Variants in TRHDE observed in about 807,000 individuals in gnomAD.
The protein encoded by TRHDE is thyrotropin-releasing hormone-degrading ectoenzyme.
A neutral mutation model predicts 125.7 loss-of-function variants in TRHDE; 72 were observed. The ratio of observed to expected loss-of-function variants is 0.57; its 90% confidence interval spans 0.47 to 0.70. The LOEUF is 0.70. TRHDE is among the 30% of genes least tolerant of loss of function. The pLI, the probability that TRHDE is intolerant of heterozygous loss-of-function variation, is 0.00. For missense variants in TRHDE, 1,110 were observed against 1,327.1 expected, an observed-to-expected ratio of 0.84 and a Z score of 2.54; for synonymous variants, 509 against 509.1, an observed-to-expected ratio of 1.00 and a Z score of 0.00.
At chr12:72,108,968 C>T (rs576321598) in intron 2 of TRHDE, among the ~76,000 whole-genome samples, 79 of 152,180 alleles carry the variant, frequency 5.2e-4, no homozygotes, top group African/African-American at 1.7e-3. Flanking sequence ...GCAAAGAAAG[C>T]CATTCTTGTT....
chr12:72,382,811 CT>C (rs1396060615), intron 3 of TRHDE, among the ~76,000 whole-genome samples: 2 of 152,066 alleles, frequency 1.3e-5, no homozygotes, highest in African/African-American at 4.8e-5. Flanking sequence ...TCTACAATAC[CT>C]TCTTTCTCCC....
chr12:72,194,903 G>A (rs1877409411), intron 2 of TRHDE, among the ~76,000 whole-genome samples: 1 of 152,046 alleles, frequency 6.6e-6, no homozygotes, highest in Non-Finnish European at 1.5e-5. Context: ...GGCATTACTA[G>A]GTGTATTAAA....
At chr12:72,627,891 C>T (rs1873328472) in intron 15 of TRHDE, among the ~76,000 whole-genome samples, 2 of 151,302 alleles carry the variant, frequency 1.3e-5, no homozygotes. Context: ...ATTGCCCAGG[C>T]TTGCTGGTCC....
intron 2 of TRHDE, among the ~76,000 whole-genome samples, chr12:72,294,931 G>C (rs1434463271): frequency 6.6e-6 from 1 of 151,952 alleles, no homozygotes; most frequent in East Asian, 1.9e-4. Flanking sequence ...GACAGCACTG[G>C]AGCTTGCCCC....
intron 10 of TRHDE, among the ~76,000 whole-genome samples, chr12:72,569,056 A>G (rs529739138): frequency 6.6e-6 from 1 of 152,224 alleles, no homozygotes; most frequent in South Asian, 2.1e-4. Flanking sequence ...GTCTCTTTAA[A>G]AGGTGAGAGA....
At position 72,136,446 on chromosome 12, in the gene TRHDE, A is replaced by G. The variant is rs116366884; in HGVS notation, n.279+30694A>G. Among the ~76,000 whole-genome samples the G allele has an allele frequency of 2.1e-3, 320 of 152,358 alleles. 2 individuals carry two copies. The highest frequency in any genetic ancestry group is 7.5e-3 in the African/African-American group (310 of 41,576). On this transcript the variant is annotated intron_variant and non_coding_transcript_variant, in intron 2 of 4. Transcript: ENST00000548156. ...GGCATGCATATCCAAAGTAACGGGG[A>G]ATTTAAATGAATGCTTGTACTTTCC...
intron 2 of TRHDE, among the ~76,000 whole-genome samples, chr12:72,174,745 G>A (rs1348459117): frequency 6.6e-6 from 1 of 152,118 alleles, no homozygotes; most frequent in Non-Finnish European, 1.5e-5. Flanking sequence ...GTCCTTCTTA[G>A]TGCTTCATAT....
At chr12:72,451,026 T>A (rs956626265) in intron 3 of TRHDE, among the ~76,000 whole-genome samples, 1 of 152,174 alleles carries the variant, frequency 6.6e-6, no homozygotes, top group South Asian at 2.1e-4. Flanking sequence ...TTTGACTTTC[T>A]TATATTAACC....
At chr12:72,296,094 C>A (rs1019880997) in intron 2 of TRHDE, among the ~76,000 whole-genome samples, 2 of 152,098 alleles carry the variant, frequency 1.3e-5, no homozygotes, top group African/African-American at 4.8e-5. Context: ...AAGGTAGGCA[C>A]CATCTTTGTA....
Position 72,618,881 on chromosome 12 carries a change from T to TC in TRHDE, c.2322-10_2322-9insC. The TC allele has an allele frequency of 6.7e-7, 1 of 1,485,868 alleles. No homozygotes were observed. The highest frequency in any genetic ancestry group is 1.4e-5 in the South Asian group (1 of 72,336). 92.0% of individuals were successfully genotyped at this position (1,485,868 alleles called of 1,614,324 possible). ...CATCATCATGTATCTTTTTTTTTTTTTAACTGTAGGGCTGGCTATTTGCCT... is the reference window on the plus strand; with the variant it reads ...CATCATCATGTATCTTTTTTTTTTTTCTAACTGTAGGGCTGGCTATTTGCCT... On this transcript the variant is annotated splice_polypyrimidine_tract_variant and intron_variant, in intron 12 of 18. Coordinates refer to ENST00000261180, the MANE Select transcript of TRHDE (RefSeq NM_013381.3).
intron 6 of TRHDE, among the ~76,000 whole-genome samples, chr12:72,522,251 G>A (rs1489798274): frequency 1.3e-5 from 2 of 152,070 alleles, no homozygotes; most frequent in Non-Finnish European, 2.9e-5. Context: ...TGTTTATAGA[G>A]CACCTTACCC....
Position 72,670,292 on chromosome 12 carries a change from C to T in TRHDE, c.*7097C>T, listed in dbSNP as rs1875216856. ...GCAGATAAATGTTTTCAATGTATGC[C>T]TTTAAAATTATTCAGTAAAAATTGA... On this transcript the variant is annotated 3_prime_UTR_variant, in exon 19 of 19. Transcript: ENST00000261180. 6.6e-6 allele frequency: 1 copy of T among 151,572 alleles called. No homozygotes were observed. Among genetic ancestry groups the T allele is most frequent in the Non-Finnish European group, 1.5e-5 (1 of 67,778 alleles). 9.4% of individuals were successfully genotyped at this position (151,572 alleles called of 1,614,324 possible).
intron 12 of TRHDE, among the ~76,000 whole-genome samples, chr12:72,610,527 T>C (rs534669391): frequency 6.6e-6 from 1 of 152,148 alleles, no homozygotes; most frequent in Non-Finnish European, 1.5e-5. Flanking sequence ...AAACTTGCGG[T>C]GGCTTTCCAT....
At position 72,667,886 on chromosome 12, in the gene TRHDE, C is replaced by G. The variant is rs1325163585; in HGVS notation, c.*4691C>G. 6.6e-6 allele frequency: 1 copy of G among 151,672 alleles called. No individual in the cohort carries two copies. The highest frequency in any genetic ancestry group is 6.6e-5 in the Admixed American group (1 of 15,188). 9.4% of individuals were successfully genotyped at this position (151,672 alleles called of 1,614,324 possible). Reference sequence around the variant, plus strand: ...GTAGTATTAGTAAGTTGCAGGAATACTTTAATCTACTTACGAAAAAGTAGT... The same window carrying G: ...GTAGTATTAGTAAGTTGCAGGAATAGTTTAATCTACTTACGAAAAAGTAGT... On this transcript the variant is annotated 3_prime_UTR_variant, in exon 19 of 19. Transcript: ENST00000261180.
At chr12:72,496,144 A>G (rs1050619831) in intron 5 of TRHDE, among the ~76,000 whole-genome samples, 1 of 152,232 alleles carries the variant, frequency 6.6e-6, no homozygotes, top group Admixed American at 6.5e-5. Flanking sequence ...AATATTCACC[A>G]CAAACATTTC....
At chr12:72,576,256 A>G (rs1028351649) in intron 12 of TRHDE, among the ~76,000 whole-genome samples, 1 of 152,256 alleles carries the variant, frequency 6.6e-6, no homozygotes, top group Admixed American at 6.5e-5. Context: ...CAAGCTGTCA[A>G]TTAAGACAGG....
chr12:72,238,311 T>C (rs12321732), intron 2 of TRHDE, among the ~76,000 whole-genome samples: 1,199 of 32,528 alleles, frequency 0.037, 173 homozygotes, highest in African/African-American at 0.13. Context: ...TATATATATA[T>C]ATATATATAT....
chr12:72,476,809 A>T (rs1456379281), intron 5 of TRHDE, among the ~76,000 whole-genome samples: 1 of 152,210 alleles, frequency 6.6e-6, no homozygotes, highest in Non-Finnish European at 1.5e-5. Context: ...GTTCTGACTT[A>T]GGCCAGTATA....
chr12:72,284,062 A>G (rs899754959), intron 1 of TRHDE, among the ~76,000 whole-genome samples: 3 of 152,126 alleles, frequency 2.0e-5, no homozygotes, highest in Non-Finnish European at 4.4e-5. Context: ...TACAAAACCC[A>G]AAACTTTTTG....
Sources: allele counts gnomAD v4.1 joint callset (sites outside exome capture counted in the v4.1 genomes callset), GRCh38; gene constraint gnomAD v4.1.1; transcripts MANE v1.5; gene names NCBI Gene and HGNC (gene_info 2026-07-23, HGNC 2026-07-21).